The following MYO5A variants were observed in gnomAD, a reference collection of about 807,000 sequenced individuals.
The protein encoded by MYO5A is myosin VA, also known as unconventional myosin-Va.
Under a neutral mutation model 249.7 loss-of-function variants are expected in MYO5A, and 98 were observed. The ratio of observed to expected loss-of-function variants is 0.39; its 90% confidence interval spans 0.33 to 0.46. MYO5A has a LOEUF of 0.46. Among genes scored for constraint, MYO5A ranks in the 20% least tolerant of loss-of-function variants. The pLI, the probability that MYO5A is intolerant of heterozygous loss-of-function variation, is 0.98. For synonymous variants in MYO5A, 778 were observed against 810.6 expected, an observed-to-expected ratio of 0.96 and a Z score of 0.68; for missense variants, 1,696 against 2,308.8, an observed-to-expected ratio of 0.73 and a Z score of 5.44.
At chr15:52,526,744 T>C (rs775130160) in intron 1 of MYO5A, among the ~76,000 whole-genome samples, 2 of 152,178 alleles carry the variant, frequency 1.3e-5, no homozygotes, top group Non-Finnish European at 2.9e-5. Context: ...GTGATAAAGC[T>C]GTGACAGAAG....
chr15:52,347,961 T>A (rs1409457774), intron 29 of MYO5A, among the ~76,000 whole-genome samples: 6 of 152,238 alleles, frequency 3.9e-5, no homozygotes, highest in South Asian at 2.1e-4. Context: ...AGTGTTTACA[T>A]CAAATAATGC....
Position 52,340,343 on chromosome 15 carries a change from G to T in MYO5A, c.4092C>A (p.Ala1364=). The T allele has an allele frequency of 6.2e-7, 1 of 1,613,846 alleles. No individual in the cohort carries two copies. The highest frequency in any genetic ancestry group is 1.6e-4 in the Middle Eastern group (1 of 6,062). ...QSQKRSHENE[A]EALRGEIQSL... ...TCTGGATCTCCCCACGGAGGGCCTC[G>T]GCCTCATTCTCATGGCTCCTCTTCT... The change falls in exon 32 of 42, where the codon GCC becomes GCA. Residue 1364 remains alanine (A), a synonymous_variant. Transcript: ENST00000399233.
intron 1 of MYO5A, among the ~76,000 whole-genome samples, chr15:52,461,647 T>C (rs2076250297): frequency 6.6e-6 from 1 of 152,186 alleles, no homozygotes; most frequent in Non-Finnish European, 1.5e-5. Context: ...TAGGTAGACT[T>C]GTTCAGCAGA....
At position 52,528,798 on chromosome 15, in the gene MYO5A, C is replaced by G. The variant is rs1198605499; in HGVS notation, c.9G>C (p.Ala3=). The part of the protein sequence containing the change: MA[A]SELYTKFARV... ...GCCTTACCTTTGTGTAGAGCTCCGA[C>G]GCAGCCATGGCGGGCCCCGCGCGCC... is the stretch of plus-strand genomic sequence containing the variant. Residue 3 remains alanine, a synonymous_variant, in exon 1 of 42, where the codon GCG becomes GCC. Transcript: ENST00000399233. 6.7e-7 allele frequency: 1 copy of G among 1,494,902 alleles called. No individual in the cohort carries two copies. Among genetic ancestry groups the G allele is most frequent in the African/African-American group, 1.5e-5 (1 of 68,268 alleles). 92.6% of individuals were successfully genotyped at this position (1,494,902 alleles called of 1,614,324 possible).
At position 52,461,032 on chromosome 15, in the gene MYO5A, GC is replaced by G. The variant is rs149955346; in HGVS notation, c.28-27748del. 9.2e-3 allele frequency among the ~76,000 whole-genome samples: 1,400 copies of G among 152,266 alleles called. 17 individuals carry two copies. The highest frequency in any genetic ancestry group is 0.032 in the African/African-American group (1,336 of 41,554). ...AGGGGCACAATCATGGCTCACTGCA[GC>G]CTCAACCTTCCCAGGCTCAGACGAT... is the stretch of plus-strand genomic sequence containing the variant. On this transcript the variant is annotated intron_variant, in intron 1 of 41. Coordinates refer to ENST00000399233, the MANE Select transcript of MYO5A (RefSeq NM_001382347.1).
rs145171705 is a variant in MYO5A at position 52,507,172 on chromosome 15, A to G, written c.27+21608T>C. On this transcript the variant is annotated intron_variant, in intron 1 of 41. Coordinates refer to ENST00000399233, the MANE Select transcript of MYO5A (RefSeq NM_001382347.1). Reference sequence around the variant, plus strand: ...CTTCGAACCTCTATAACAGAAGGAGAAATGGGTTTGGAACTGACTTTAGGA... The same window carrying G: ...CTTCGAACCTCTATAACAGAAGGAGGAATGGGTTTGGAACTGACTTTAGGA... Among the ~76,000 whole-genome samples the G allele has an allele frequency of 2.1e-3, 318 of 152,280 alleles. 1 individual carries two copies. Among genetic ancestry groups the G allele is most frequent in the African/African-American group, 7.0e-3 (291 of 41,566 alleles).
chr15:52,403,688 T>C (rs2042862603), intron 9 of MYO5A, among the ~76,000 whole-genome samples: 1 of 152,214 alleles, frequency 6.6e-6, no homozygotes, highest in African/African-American at 2.4e-5. Context: ...TAAATGAGTA[T>C]GATATACGAA....
At chr15:52,384,028 G>A (rs528920648) in intron 15 of MYO5A, 133 bp downstream of exon 15, 113 of 1,038,716 alleles carry the variant, frequency 1.1e-4, no homozygotes, top group African/African-American at 4.8e-4. Flanking sequence ...GGATGGTGTC[G>A]TATGATCTCA....
intron 2 of MYO5A, among the ~76,000 whole-genome samples, chr15:52,430,043 A>T (rs2075492045): frequency 6.6e-6 from 1 of 152,250 alleles, no homozygotes; most frequent in African/African-American, 2.4e-5. Context: ...GGGAGGGACA[A>T]GGTTTTGTAA....
intron 11 of MYO5A, among the ~76,000 whole-genome samples, chr15:52,393,201 T>G (rs961643780): frequency 4.6e-5 from 7 of 152,154 alleles, no homozygotes; most frequent in Admixed American, 6.5e-5. Context: ...TCACAAATCT[T>G]GCTATTTTTG....
At chr15:52,314,262 T>C (rs2037884374) in intron 40 of MYO5A, 59 bp from the exon 41 acceptor site, 2 of 1,227,156 alleles carry the variant, frequency 1.6e-6, no homozygotes, top group Non-Finnish European at 2.4e-6. Context: ...ACTGGGTACC[T>C]ATAATCTGGA....
intron 1 of MYO5A, among the ~76,000 whole-genome samples, chr15:52,471,163 T>C (rs1041847125): frequency 6.6e-6 from 1 of 152,230 alleles, no homozygotes; most frequent in Non-Finnish European, 1.5e-5. Context: ...AAGATAGTCC[T>C]GATTATAAAC....
intron 1 of MYO5A, among the ~76,000 whole-genome samples, chr15:52,504,669 AG>A (rs1290645436): frequency 6.6e-6 from 1 of 152,184 alleles, no homozygotes; most frequent in Non-Finnish European, 1.5e-5. Context: ...TGGGAGACCA[AG>A]GCGGGTGGAT....
intron 1 of MYO5A, among the ~76,000 whole-genome samples, chr15:52,457,113 CA>C (rs1004247381): frequency 1.1e-4 from 16 of 142,798 alleles, no homozygotes; most frequent in African/African-American, 3.7e-4. Flanking sequence ...AACAGCAAAA[CA>C]AAACAAAACA....
intron 1 of MYO5A, among the ~76,000 whole-genome samples, chr15:52,450,973 C>T (rs1188226461): frequency 8.4e-6 from 1 of 119,410 alleles, no homozygotes; most frequent in Non-Finnish European, 1.7e-5. Context: ...TTGTATCCCA[C>T]CCACTCTCAG....
chr15:52,524,018 G>C (rs2077679358), intron 1 of MYO5A, among the ~76,000 whole-genome samples: 1 of 152,236 alleles, frequency 6.6e-6, no homozygotes, highest in Admixed American at 6.5e-5. Flanking sequence ...TCTAGGCCAT[G>C]TGGCTCCTGT....
At chr15:52,499,655 T>C (rs1418386410) in intron 1 of MYO5A, among the ~76,000 whole-genome samples, 1 of 152,334 alleles carries the variant, frequency 6.6e-6, no homozygotes, top group Admixed American at 6.5e-5. Flanking sequence ...TGAGGCATCT[T>C]TCAGAATTTC....
chr15:52,341,242 A>G (rs756053666), intron 31 of MYO5A, among the ~76,000 whole-genome samples: 2 of 152,218 alleles, frequency 1.3e-5, no homozygotes, highest in African/African-American at 2.4e-5. Flanking sequence ...AGCCTTATAT[A>G]TACAGATTTA....
At chr15:52,387,997 C>G (rs946190321) in intron 13 of MYO5A, 85 bp from the exon 14 acceptor site, 2 of 1,014,688 alleles carry the variant, frequency 2.0e-6, no homozygotes, top group Non-Finnish European at 3.0e-6. Context: ...CTTTATTAGT[C>G]TCAGGCTATA....
Sources: gnomAD v4.1 joint callset for allele counts (sites outside exome capture counted in the v4.1 genomes callset) on GRCh38, gnomAD v4.1.1 for gene constraint, MANE v1.5 for transcripts, NCBI Gene and HGNC (gene_info 2026-07-23, HGNC 2026-07-21) for gene names.